Variants in GPR107 observed in about 807,000 individuals in gnomAD.
The protein encoded by GPR107 is G protein-coupled receptor 107.
GPR107 carries 31 observed loss-of-function variants against 75.5 expected under a neutral mutation model. The ratio of observed to expected loss-of-function variants is 0.41; its 90% CI spans 0.31 to 0.55. The LOEUF (loss-of-function observed/expected upper bound fraction) is 0.55. Ranked by LOEUF, GPR107 falls within the 20% of genes least tolerant of loss-of-function variation. The pLI is 0.26. For synonymous variants in GPR107, 267 were observed against 251.3 expected (o/e 1.06, Z -0.59); for missense variants, 572 against 665.7 (o/e 0.86, Z 1.55).
chr9:130,080,318 A>G (rs1001507246), intron 5 of GPR107, among the ~76,000 whole-genome samples: 9 of 152,170 alleles, frequency 5.9e-5, no homozygotes, highest in Non-Finnish European at 1.3e-4. Flanking sequence ...ATTGATGTAT[A>G]TTTTTAAATT....
chr9:130,085,493 A>G (rs1437383449), intron 6 of GPR107, among the ~76,000 whole-genome samples: 2 of 152,182 alleles, frequency 1.3e-5, no homozygotes, highest in African/African-American at 2.4e-5. Context: ...CAGCAATCTG[A>G]TAACTTTGAC....
Position 130,075,633 on chromosome 9 carries a change from T to C in GPR107, c.142-3T>C, listed in dbSNP as rs537886231. 4 of 1,454,090 alleles carry C rather than the reference T, an allele frequency of 2.8e-6. No homozygotes were observed. Among genetic ancestry groups the C allele is most frequent in the Admixed American group, 1.7e-5 (1 of 59,746 alleles). The allele number at this position is 1,454,090 out of a possible 1,614,324, so 90.1% of individuals were successfully genotyped here. A position where few individuals can be genotyped will look rare whatever the true frequency, so the allele number is the denominator to read the frequency against. Reference sequence around the variant, plus strand: ...CTAATTCCACCACTACAAATCTCTTTAGGATGATGTGAGGCATAAAGTTCA... The same window carrying C: ...CTAATTCCACCACTACAAATCTCTTCAGGATGATGTGAGGCATAAAGTTCA... On this transcript the variant is annotated splice_region_variant and splice_polypyrimidine_tract_variant and intron_variant, in intron 1 of 17. Coordinates refer to ENST00000347136, the MANE Select transcript of GPR107 (RefSeq NM_020960.5).
rs368991938 is a variant in GPR107 at position 130,119,132 on chromosome 9, C to T, written c.1307-5783C>T. Among the ~76,000 whole-genome samples the T allele has an allele frequency of 4.3e-4, 66 of 152,292 alleles. No homozygotes were observed. In the East Asian group the frequency reaches 0.01, roughly 24 times the overall value. On this transcript the variant is annotated intron_variant, in intron 14 of 17. Coordinates refer to ENST00000347136, the MANE Select transcript of GPR107 (RefSeq NM_020960.5). ...TCTTTGGAAGAACAATGGAGGGAGT[C>T]GTGGGACCCCAGGCTGCGACCTGCT...
intron 8 of GPR107, 96 bp from the exon 9 acceptor site, chr9:130,092,152 T>G: frequency 9.2e-7 from 1 of 1,083,556 alleles, no homozygotes; most frequent in Non-Finnish European, 1.4e-6. Flanking sequence ...TGGTACTTAC[T>G]TTCTTAAGCT....
chr9:130,059,611 A>T (rs1031878660), intron 1 of GPR107, among the ~76,000 whole-genome samples: 7 of 152,204 alleles, frequency 4.6e-5, no homozygotes, highest in African/African-American at 1.7e-4. Flanking sequence ...TATTATAACA[A>T]AAAAATCCTT....
intron 15 of GPR107, among the ~76,000 whole-genome samples, chr9:130,125,806 T>A (rs1171894487): frequency 1.3e-5 from 2 of 152,030 alleles, no homozygotes; most frequent in African/African-American, 4.8e-5. Context: ...TCCCAGCACT[T>A]TGGGAGACCG....
chr9:130,067,471 A>G (rs758651454), intron 1 of GPR107, among the ~76,000 whole-genome samples: 3 of 152,014 alleles, frequency 2.0e-5, no homozygotes, highest in Non-Finnish European at 4.4e-5. Context: ...CGCACCTTCC[A>G]TTTTACCTGC....
intron 7 of GPR107, among the ~76,000 whole-genome samples, chr9:130,088,413 C>T (rs1023374989): frequency 2.0e-5 from 3 of 152,204 alleles, no homozygotes; most frequent in African/African-American, 7.2e-5. Flanking sequence ...TGTGCTCTGT[C>T]TTTCCTTAGT....
chr9:130,105,191 T>G (rs950003001), intron 13 of GPR107, among the ~76,000 whole-genome samples: 2 of 152,184 alleles, frequency 1.3e-5, no homozygotes, highest in Non-Finnish European at 2.9e-5. Flanking sequence ...TGGAATGCAA[T>G]TCTTTTGAAA....
intron 14 of GPR107, among the ~76,000 whole-genome samples, chr9:130,121,833 G>A (rs976246042): frequency 6.6e-6 from 1 of 152,150 alleles, no homozygotes; most frequent in African/African-American, 2.4e-5. Flanking sequence ...GCGAGTAGGA[G>A]TTTCCTTTGT....
chr9:130,105,726 T>A (rs1180893568), intron 13 of GPR107, among the ~76,000 whole-genome samples: 2 of 151,956 alleles, frequency 1.3e-5, no homozygotes, highest in Non-Finnish European at 2.9e-5. Flanking sequence ...ACACATGATC[T>A]CGTATCAGTT....
At chr9:130,106,443 A>G (rs897590691) in intron 13 of GPR107, among the ~76,000 whole-genome samples, 11 of 152,018 alleles carry the variant, frequency 7.2e-5, no homozygotes, top group African/African-American at 2.7e-4. Context: ...CTAAAAATAT[A>G]AAAATTAGCT....
chr9:130,086,871 G>T (rs1830626408), intron 7 of GPR107, among the ~76,000 whole-genome samples: 1 of 152,114 alleles, frequency 6.6e-6, no homozygotes, highest in Admixed American at 6.6e-5. Flanking sequence ...TTTTAGAGAT[G>T]ATTTCACCTA....
intron 1 of GPR107, among the ~76,000 whole-genome samples, chr9:130,056,432 A>G (rs1311635610): frequency 4.0e-5 from 6 of 151,804 alleles, no homozygotes; most frequent in African/African-American, 1.5e-4. Context: ...CCTGGGCGAC[A>G]GAGCAAGACT....
rs557787728 is a variant in GPR107, at chr9:130,112,086, A to G, written c.1306+4547A>G. ...ATTACCTTATAGGACTGGCGTCGAG[A>G]TACACACCGTAAATTTAATTAACAG... On this transcript the variant is annotated intron_variant, in intron 14 of 17. Coordinates refer to ENST00000347136, the MANE Select transcript of GPR107 (RefSeq NM_020960.5). The surrounding 1 kb of genome is among the most constrained non-coding windows in gnomAD (Gnocchi z 4.0). Among the ~76,000 whole-genome samples, 29 of 152,292 alleles carry G rather than the reference A, an allele frequency of 1.9e-4. No individual in the cohort carries two copies. The highest frequency in any genetic ancestry group is 7.0e-4 in the African/African-American group (29 of 41,566).
At chr9:130,068,583 T>C (rs1290471740) in intron 1 of GPR107, among the ~76,000 whole-genome samples, 2 of 152,152 alleles carry the variant, frequency 1.3e-5, no homozygotes, top group African/African-American at 4.8e-5. Flanking sequence ...AAAAACTAAA[T>C]TGAGGTATCA....
chr9:130,086,372 T>A, intron 6 of GPR107, 48 bp from the exon 7 acceptor site: 1 of 688,622 alleles, frequency 1.5e-6, no homozygotes, highest in Non-Finnish European at 2.3e-6. Flanking sequence ...TTAATTAGCA[T>A]GCTTCTATGC....
At chr9:130,077,268 G>A (rs1322990360) in intron 3 of GPR107, 31 bp from the exon 4 acceptor site, 1 of 1,086,272 alleles carries the variant, frequency 9.2e-7, no homozygotes, top group Non-Finnish European at 1.4e-6. Flanking sequence ...GAATGAATAA[G>A]ATGATGTACA....
At chr9:130,101,300 G>A (rs1404106320) in intron 12 of GPR107, 77 bp downstream of exon 12, 1 of 796,780 alleles carries the variant, frequency 1.3e-6, no homozygotes, top group African/African-American at 1.7e-5. Context: ...TGTATGGGAA[G>A]AGGGAGTCAC....
Sources: gnomAD v4.1 joint callset for allele counts (sites outside exome capture counted in the v4.1 genomes callset) on GRCh38, gnomAD v4.1.1 for gene constraint, Gnocchi (gnomAD v3.1) non-coding constraint, MANE v1.5 for transcripts, NCBI Gene and HGNC (gene_info 2026-07-23, HGNC 2026-07-21) for gene names.